LRRC3B: variants seen among roughly 807,000 people sequenced by gnomAD.
LRRC3B encodes leucine rich repeat containing 3B, also known as leucine-rich repeat-containing protein 3B.
In LRRC3B, 2 loss-of-function variants were observed where a neutral mutation model predicts 12.8. The observed-to-expected ratio is 0.16, with a 90% CI of 0.06 to 0.49. LRRC3B has a LOEUF of 0.49. LRRC3B is among the 20% of genes least tolerant of loss of function. LRRC3B has a pLI of 0.96. For missense variants in LRRC3B, 189 were observed against 319.4 expected (o/e 0.59, Z 3.11); for synonymous variants, 132 against 122.0 (o/e 1.08, Z -0.54).
intron 1 of LRRC3B, among the ~76,000 whole-genome samples, chr3:26,664,051 A>C (rs557802170): frequency 2.1e-4 from 32 of 152,282 alleles, no homozygotes; most frequent in African/African-American, 7.7e-4. Flanking sequence ...ACTTAGAAGG[A>C]CATAGAAGTC....
At chr3:26,649,832 G>C (rs1431213438) in intron 1 of LRRC3B, among the ~76,000 whole-genome samples, 1 of 152,086 alleles carries the variant, frequency 6.6e-6, no homozygotes, top group African/African-American at 2.4e-5. Context: ...GTGCTATTCT[G>C]TGCTCATCTT....
chr3:26,699,058 TG>T (rs1437870039), intron 1 of LRRC3B, among the ~76,000 whole-genome samples: 3 of 152,162 alleles, frequency 2.0e-5, no homozygotes, highest in Non-Finnish European at 1.5e-5. Context: ...TTTTTATTTT[TG>T]TTTTTTGTTT....
At position 26,678,595 on chromosome 3, in the gene LRRC3B, C is replaced by T. The variant is rs186117275; in HGVS notation, c.-160-30918C>T. Among the ~76,000 whole-genome samples the T allele has an allele frequency of 5.3e-5, 8 of 152,154 alleles. No homozygotes were observed. In the East Asian group the frequency reaches 1.5e-3, roughly 29 times the overall value. ...TAGCATCTATACCCAAGGTTTGTAC[C>T]TAAGAGCCAGGGGACCCTCAAAACC... On this transcript the variant is annotated intron_variant, in intron 1 of 1. Coordinates refer to ENST00000396641, the Ensembl canonical transcript of LRRC3B.
chr3:26,707,790 T>C (rs1024122509), intron 1 of LRRC3B, among the ~76,000 whole-genome samples: 4 of 151,068 alleles, frequency 2.6e-5, no homozygotes, highest in Non-Finnish European at 4.4e-5. Flanking sequence ...TTTTTTTTCT[T>C]TCCCATCTAG....
chr3:26,672,470 G>T (rs1699768313), intron 1 of LRRC3B, among the ~76,000 whole-genome samples: 1 of 152,092 alleles, frequency 6.6e-6, no homozygotes, highest in Admixed American at 6.5e-5. Flanking sequence ...TTCACTTGAG[G>T]GCCTGAGAAG....
intron 1 of LRRC3B, among the ~76,000 whole-genome samples, chr3:26,626,970 T>C (rs1698640664): frequency 6.6e-6 from 1 of 152,222 alleles, no homozygotes; most frequent in East Asian, 1.9e-4. Flanking sequence ...GTGGCATAAA[T>C]TCTTGGATTT....
In LRRC3B at chr3:26,636,864, C is replaced by CCCTT. The variant is rs1202159814; in HGVS notation, c.-161+13648_-161+13651dup. Among the ~76,000 whole-genome samples the CCCTT allele has an allele frequency of 9.1e-4, 61 of 66,930 alleles. 2 individuals carry two copies. Among genetic ancestry groups the CCCTT allele is most frequent in the African/African-American group, 5.1e-4 (7 of 13,706 alleles). The allele number at this position is 66,930 out of a possible 152,430, so 43.9% of individuals were successfully genotyped here. ...TGCCTCCCTCCCTCCCTCCCTCCCTCCCTTCCTTCCTTCCTTCCTTCCTTT... is the reference window on the plus strand; with the variant it reads ...TGCCTCCCTCCCTCCCTCCCTCCCTCCCTTCCTTCCTTCCTTCCTTCCTTCCTTT... On this transcript the variant is annotated intron_variant, in intron 1 of 1. Transcript: ENST00000396641.
intron 1 of LRRC3B, among the ~76,000 whole-genome samples, chr3:26,697,683 C>T (rs1314166491): frequency 6.6e-6 from 1 of 152,140 alleles, no homozygotes; most frequent in Admixed American, 6.6e-5. Flanking sequence ...CCAAAATTCT[C>T]AATTCATTAC....
chr3:26,643,321 T>C (rs1699074090), intron 1 of LRRC3B, among the ~76,000 whole-genome samples: 1 of 152,024 alleles, frequency 6.6e-6, no homozygotes. Context: ...TGAAAACACA[T>C]ATATAAAACC....
chr3:26,647,262 G>A (rs1016535936), intron 1 of LRRC3B, among the ~76,000 whole-genome samples: 6 of 152,014 alleles, frequency 3.9e-5, no homozygotes, highest in East Asian at 1.9e-4. Flanking sequence ...TCTTCATGGC[G>A]TTTCTCACTA....
intron 1 of LRRC3B, among the ~76,000 whole-genome samples, chr3:26,626,566 C>T (rs1246178167): frequency 6.6e-6 from 1 of 152,136 alleles, no homozygotes; most frequent in Non-Finnish European, 1.5e-5. Context: ...TACCATTATA[C>T]ATAAATAAAT....
intron 1 of LRRC3B, among the ~76,000 whole-genome samples, chr3:26,665,927 A>T (rs921477648): frequency 6.6e-5 from 10 of 152,190 alleles, no homozygotes. Context: ...TGTTGTAATT[A>T]CATCTGACAT....
At chr3:26,633,930 T>A (rs1698811792) in intron 1 of LRRC3B, among the ~76,000 whole-genome samples, 1 of 152,234 alleles carries the variant, frequency 6.6e-6, no homozygotes, top group Non-Finnish European at 1.5e-5. Flanking sequence ...TATTTTTATG[T>A]GTAAGCTCCT....
At chr3:26,702,610 A>G (rs1182966195) in intron 1 of LRRC3B, among the ~76,000 whole-genome samples, 1 of 152,188 alleles carries the variant, frequency 6.6e-6, no homozygotes, top group East Asian at 1.9e-4. Flanking sequence ...ACAACTGTAA[A>G]AGGAGATTGT....
In LRRC3B at chr3:26,676,099, A is replaced by ATACT. The variant is rs113529121; in HGVS notation, c.-160-33411_-160-33408dup. On this transcript the variant is annotated intron_variant, in intron 1 of 1. Transcript: ENST00000396641. ...TTTTCTTTTTTTTTAATTATTATTA[A>ATACT]TACTTAAAGTTTTAGGGTACATGTG... 5.9e-3 allele frequency among the ~76,000 whole-genome samples: 902 copies of ATACT among 151,840 alleles called. 9 individuals are homozygous for ATACT. Among genetic ancestry groups the ATACT allele is most frequent in the African/African-American group, 0.02 (827 of 41,356 alleles).
intron 1 of LRRC3B, among the ~76,000 whole-genome samples, chr3:26,708,555 G>T (rs1353380005): frequency 1.3e-5 from 2 of 152,064 alleles, no homozygotes; most frequent in Non-Finnish European, 2.9e-5. Flanking sequence ...TTTGTGAACT[G>T]GTCCCAAAGA....
intron 1 of LRRC3B, among the ~76,000 whole-genome samples, chr3:26,706,381 G>GTGA (rs1700588046): frequency 6.6e-6 from 1 of 152,148 alleles, no homozygotes; most frequent in African/African-American, 2.4e-5. Flanking sequence ...CTGGCTGGGG[G>GTGA]TGATGGCTCT....
chr3:26,666,116 A>C (rs545152241), intron 1 of LRRC3B, among the ~76,000 whole-genome samples: 1 of 152,184 alleles, frequency 6.6e-6, no homozygotes, highest in Non-Finnish European at 1.5e-5. Context: ...ATTTATGTCC[A>C]TAAGTTTATC....
chr3:26,686,631 A>G (rs761984473), intron 1 of LRRC3B, among the ~76,000 whole-genome samples: 2 of 152,232 alleles, frequency 1.3e-5, no homozygotes, highest in African/African-American at 2.4e-5. Flanking sequence ...AAGAAAATAA[A>G]AAAAGCCAGA....
Sources: allele counts gnomAD v4.1 joint callset (sites outside exome capture counted in the v4.1 genomes callset), GRCh38; gene constraint gnomAD v4.1.1; transcripts MANE v1.5; gene names NCBI Gene and HGNC (gene_info 2026-07-23, HGNC 2026-07-21).